Variants in NOS1 observed in about 807,000 individuals in gnomAD.
The protein encoded by NOS1 is NOS type I.
Under a neutral mutation model 164.5 loss-of-function variants are expected in NOS1, and 51 were observed. The observed-to-expected ratio is 0.31, with a 90% CI of 0.25 to 0.39. The LOEUF is 0.39. NOS1 is among the 10% of genes least tolerant of loss of function. The probability of loss-of-function intolerance (pLI) is 1.00; values close to 1 mark genes in which losing one functional copy is unlikely to be tolerated. For synonymous variants in NOS1, 719 were observed against 745.8 expected (o/e 0.96, Z 0.59); for missense variants, 1,362 against 1,885.6 (o/e 0.72, Z 5.14).
At chr12:117,227,711 G>T in intron 22 of NOS1, 70 bp from the exon 23 acceptor site, 2 of 1,488,570 alleles carry the variant, frequency 1.3e-6, no homozygotes, top group South Asian at 2.3e-5. Flanking sequence ...GGACCTGAGG[G>T]GGTCCAGGAA....
At chr12:117,231,636 C>T (rs962885882) in intron 22 of NOS1, among the ~76,000 whole-genome samples, 1 of 152,082 alleles carries the variant, frequency 6.6e-6, no homozygotes, top group Non-Finnish European at 1.5e-5. Flanking sequence ...ATGGTGAGAT[C>T]CTGTTTCTTT....
Position 117,330,632 on chromosome 12 carries a change from G to A in NOS1, c.438C>T (p.Pro146=), listed in dbSNP as rs759265813. 5.0e-6 allele frequency: 8 copies of A among 1,611,880 alleles called. No individual in the cohort carries two copies. The highest frequency in any genetic ancestry group is 1.6e-4 in the Middle Eastern group (1 of 6,078). Residue 146 remains proline (P), a synonymous_variant, in exon 2 of 29, where the codon CCC becomes CCT. Coordinates refer to ENST00000317775, the MANE Select transcript of NOS1 (RefSeq NM_000620.5). The surrounding 1 kb of genome is among the most constrained non-coding windows in gnomAD (Gnocchi z 4.6). ...GACCCGAGGCCCCATCCACTGCCAG[G>A]GGCTGTTCTTTGCCGGCCGGTGGCT... ...SHQPPAGKEQ[P]LAVDGASGPG... is the part of the protein sequence containing the mutation.
intron 4 of NOS1, among the ~76,000 whole-genome samples, chr12:117,289,383 G>A (rs756862115): frequency 6.6e-6 from 1 of 152,206 alleles, no homozygotes; most frequent in Non-Finnish European, 1.5e-5. Context: ...CCCAGGGAAT[G>A]TTAGGTAATG....
chr12:117,244,042 A>G (rs1454061366), intron 18 of NOS1, among the ~76,000 whole-genome samples: 1 of 152,382 alleles, frequency 6.6e-6, no homozygotes, highest in East Asian at 1.9e-4. Context: ...ATTTATTCCT[A>G]AAACTGATGT....
At chr12:117,221,915 C>T (rs1956712919) in intron 26 of NOS1, among the ~76,000 whole-genome samples, 1 of 151,552 alleles carries the variant, frequency 6.6e-6, no homozygotes, top group East Asian at 1.9e-4. Flanking sequence ...CCACCTCAGC[C>T]TCCCAAAGTG....
chr12:117,237,118 T>G (rs73206094), intron 20 of NOS1, among the ~76,000 whole-genome samples: 1 of 152,174 alleles, frequency 6.6e-6, no homozygotes, highest in East Asian at 1.9e-4. Flanking sequence ...ATCTCAGTTC[T>G]GCTGAGCTTT....
intron 1 of NOS1, among the ~76,000 whole-genome samples, chr12:117,347,741 C>T (rs562424416): frequency 4.7e-4 from 72 of 152,278 alleles, no homozygotes; most frequent in Non-Finnish European, 2.5e-4. Flanking sequence ...CCAGCTTGTG[C>T]CCTGGGGCTG....
In NOS1 at chr12:117,262,648, A is replaced by T. The variant is rs569236704; in HGVS notation, c.2222+1241T>A. Among the ~76,000 whole-genome samples the T allele has an allele frequency of 2.6e-5, 4 of 152,226 alleles. No individual in the cohort carries two copies. In the South Asian group the frequency reaches 8.3e-4, roughly 32 times the overall value. On this transcript the variant is annotated intron_variant, in intron 13 of 28. Coordinates refer to ENST00000317775, the MANE Select transcript of NOS1 (RefSeq NM_000620.5). ...TGGCTTAGATGACACCTGTTGTACA[A>T]CTAGTTATCATACATAGAGAATTCT...
chr12:117,347,582 G>A (rs1435563339), intron 1 of NOS1, among the ~76,000 whole-genome samples: 1 of 152,180 alleles, frequency 6.6e-6, no homozygotes, highest in Non-Finnish European at 1.5e-5. Flanking sequence ...TAGTGAGTGA[G>A]TTTTAAAGGG....
rs1875450891 is a variant in NOS1 at position 117,330,063 on chromosome 12, G to A, written c.725+282C>T. ...AAGTAAGTTTCCTGGAGGATTATAG[G>A]GGATAAAGATGAGAAGACACACTGT... is the stretch of plus-strand genomic sequence containing the variant. On this transcript the variant is annotated intron_variant, in intron 2 of 28. Transcript: ENST00000317775. The surrounding 1 kb of genome is among the most constrained non-coding windows in gnomAD (Gnocchi z 4.6). Among the ~76,000 whole-genome samples, 1 of 152,156 alleles carries A rather than the reference G, an allele frequency of 6.6e-6. No homozygotes were observed. Among genetic ancestry groups the A allele is most frequent in the South Asian group, 2.1e-4 (1 of 4,834 alleles).
At chr12:117,265,929 T>C (rs1291223421) in intron 11 of NOS1, among the ~76,000 whole-genome samples, 3 of 150,826 alleles carry the variant, frequency 2.0e-5, no homozygotes, top group Non-Finnish European at 2.9e-5. Flanking sequence ...TAGCTGGGAC[T>C]ACAGGCGCCC....
At chr12:117,319,498 G>T (rs1874814902) in intron 2 of NOS1, among the ~76,000 whole-genome samples, 1 of 152,234 alleles carries the variant, frequency 6.6e-6, no homozygotes, top group Admixed American at 6.5e-5. Context: ...GTCTGCAGAA[G>T]ACAGGCTAGT....
At chr12:117,248,911 T>C (rs1255349287) in intron 17 of NOS1, among the ~76,000 whole-genome samples, 1 of 152,174 alleles carries the variant, frequency 6.6e-6, no homozygotes, top group Non-Finnish European at 1.5e-5. Context: ...AGACGGTATC[T>C]CATTGTGGTT....
chr12:117,244,478 A>C (rs1870462168), intron 18 of NOS1, among the ~76,000 whole-genome samples: 1 of 152,192 alleles, frequency 6.6e-6, no homozygotes, highest in Admixed American at 6.5e-5. Flanking sequence ...GCCTCAAGCA[A>C]TTTGCCCGCC....
chr12:117,358,334 CCT>C (rs1566090141), intron 1 of NOS1, among the ~76,000 whole-genome samples: 1 of 152,166 alleles, frequency 6.6e-6, no homozygotes. Flanking sequence ...ATACCCCCGC[CCT>C]CTCACTCTTC....
At position 117,210,664 on chromosome 12, in the gene NOS1, A is replaced by G; in HGVS notation, c.*4645T>C. ...TTTGCCCTATGAGCTAGGTCAGGACACCTCTCACTTGTTTTGAGCTTAGGG... is the reference window on the plus strand; with the variant it reads ...TTTGCCCTATGAGCTAGGTCAGGACGCCTCTCACTTGTTTTGAGCTTAGGG... On this transcript the variant is annotated 3_prime_UTR_variant, in exon 29 of 29. Coordinates refer to ENST00000317775, the MANE Select transcript of NOS1 (RefSeq NM_000620.5). 1 of 985,368 alleles carries G rather than the reference A, an allele frequency of 1.0e-6. No homozygotes were observed. Among genetic ancestry groups the G allele is most frequent in the South Asian group, 4.7e-5 (1 of 21,286 alleles). The allele number at this position is 985,368 out of a possible 1,614,324, so 61.0% of individuals were successfully genotyped here. A position where few individuals can be genotyped will look rare whatever the true frequency, so the allele number is the denominator to read the frequency against.
intron 3 of NOS1, among the ~76,000 whole-genome samples, chr12:117,292,867 G>A (rs1471593363): frequency 1.3e-5 from 2 of 152,196 alleles, no homozygotes; most frequent in Non-Finnish European, 2.9e-5. Flanking sequence ...AGTCCTGTAG[G>A]GGGTGACGAA....
intron 2 of NOS1, among the ~76,000 whole-genome samples, chr12:117,313,305 A>G (rs1325697933): frequency 6.6e-6 from 1 of 152,064 alleles, no homozygotes; most frequent in African/African-American, 2.4e-5. Context: ...CTAGCGCCTG[A>G]CTTTTTTTGG....
chr12:117,219,924 T>A lies in NOS1; in HGVS notation c.4170+151A>T, dbSNP rs974135652. On this transcript the variant is annotated intron_variant, in intron 27 of 28. Transcript: ENST00000317775. ...CTTTCTCTGTCATTGTTTGGGACCA[T>A]CTATATCCTCTACCCTCAGTGGTAA... The A allele has an allele frequency of 1.2e-4, 90 of 726,072 alleles. 1 individual carries two copies. Among genetic ancestry groups the A allele is most frequent in the Non-Finnish European group, 2.0e-4 (87 of 443,158 alleles). 45.0% of individuals were successfully genotyped at this position (726,072 alleles called of 1,614,324 possible).
Sources: gnomAD v4.1 joint callset for allele counts (sites outside exome capture counted in the v4.1 genomes callset) on GRCh38, gnomAD v4.1.1 for gene constraint, Gnocchi (gnomAD v3.1) non-coding constraint, MANE v1.5 for transcripts, NCBI Gene and HGNC (gene_info 2026-07-23, HGNC 2026-07-21) for gene names.